PIGL: variants seen among roughly 807,000 people sequenced by gnomAD.
PIGL encodes phosphatidylinositol glycan anchor biosynthesis class L.
A neutral mutation model predicts 31.1 loss-of-function variants in PIGL; 22 were observed. That is an observed-to-expected ratio of 0.71 (90% CI 0.51 to 1.01). PIGL has a LOEUF of 1.01. PIGL is among the 50% of genes least tolerant of loss of function. The probability of loss-of-function intolerance (pLI) is 0.00; values close to 1 mark genes in which losing one functional copy is unlikely to be tolerated. For missense variants in PIGL, 302 were observed against 315.9 expected, an observed-to-expected ratio of 0.96 and a Z score of 0.33; for synonymous variants, 131 against 117.4, an observed-to-expected ratio of 1.12 and a Z score of -0.75.
intron 2 of PIGL, among the ~76,000 whole-genome samples, chr17:16,254,511 G>A (rs143917368): frequency 2.6e-5 from 4 of 151,956 alleles, no homozygotes; most frequent in Non-Finnish European, 5.9e-5. Context: ...CAGGTAATCC[G>A]CCCACCTCGG....
intron 6 of PIGL, 39 bp downstream of exon 6, chr17:16,317,947 C>T: frequency 1.4e-6 from 2 of 1,435,866 alleles, no homozygotes; most frequent in Non-Finnish European, 1.8e-6. Flanking sequence ...AACTCAGATC[C>T]CTGCCCCAGA....
At chr17:16,258,337 A>T (rs2092805768) in intron 2 of PIGL, among the ~76,000 whole-genome samples, 1 of 149,634 alleles carries the variant, frequency 6.7e-6, no homozygotes, top group Non-Finnish European at 1.5e-5. Flanking sequence ...CTGCCACCAC[A>T]CCTGGCTAAT....
chr17:16,276,895 G>A (rs1367246771), intron 2 of PIGL, among the ~76,000 whole-genome samples: 1 of 152,182 alleles, frequency 6.6e-6, no homozygotes, highest in Non-Finnish European at 1.5e-5. Context: ...TGTATAAAGT[G>A]CAGCAACAAT....
intron 2 of PIGL, among the ~76,000 whole-genome samples, chr17:16,287,744 AC>A (rs2092944097): frequency 6.6e-6 from 1 of 151,990 alleles, no homozygotes; most frequent in African/African-American, 2.4e-5. Context: ...CTTTGCTCTT[AC>A]TCTGAACATG....
intron 6 of PIGL, 26 bp downstream of exon 6, chr17:16,317,934 C>T: frequency 1.3e-6 from 2 of 1,566,188 alleles, no homozygotes; most frequent in Non-Finnish European, 8.6e-7. Flanking sequence ...TCCTGGACAC[C>T]CCAACTCAGA....
intron 2 of PIGL, among the ~76,000 whole-genome samples, chr17:16,254,673 C>T (rs2092786632): frequency 6.6e-6 from 1 of 152,038 alleles, no homozygotes; most frequent in Non-Finnish European, 1.5e-5. Context: ...GGCGCTATCT[C>T]GACTCACTGC....
At chr17:16,270,355 A>G (rs1380180044) in intron 2 of PIGL, among the ~76,000 whole-genome samples, 1 of 151,776 alleles carries the variant, frequency 6.6e-6, no homozygotes, top group Admixed American at 6.6e-5. Flanking sequence ...CCACTATAAC[A>G]TATTTAGTTC....
rs78175411 is a variant in PIGL, at chr17:16,251,516, C to T, written c.335+17446C>T. ...TATTTTCCCCTTGTTCTGAACTTCA[C>T]TGCAAAACATTTAGCCAGAGGAGCT... is the stretch of plus-strand genomic sequence containing the variant. On this transcript the variant is annotated intron_variant, in intron 2 of 6. Coordinates refer to ENST00000225609, the MANE Select transcript of PIGL (RefSeq NM_004278.4). Among the ~76,000 whole-genome samples, 956 of 151,848 alleles carry T rather than the reference C, an allele frequency of 6.3e-3. 18 individuals carry two copies. Among genetic ancestry groups the T allele is most frequent in the African/African-American group, 0.021 (888 of 41,418 alleles).
intron 2 of PIGL, among the ~76,000 whole-genome samples, chr17:16,241,691 T>C (rs1014558052): frequency 6.6e-6 from 1 of 151,990 alleles, no homozygotes; most frequent in Non-Finnish European, 1.5e-5. Flanking sequence ...ATTGGAAGCA[T>C]TGAGATGTAA....
intron 2 of PIGL, among the ~76,000 whole-genome samples, chr17:16,267,294 C>A (rs548754619): frequency 3.0e-4 from 45 of 152,026 alleles, no homozygotes; most frequent in African/African-American, 1.1e-3. Flanking sequence ...AGGTCTTCAT[C>A]CCTGTCTTCA....
chr17:16,252,432 A>G (rs906789394), intron 2 of PIGL, among the ~76,000 whole-genome samples: 9 of 152,064 alleles, frequency 5.9e-5, no homozygotes, highest in African/African-American at 2.2e-4. Flanking sequence ...GATAATTTCT[A>G]AAAGGATAGA....
chr17:16,223,251 T>C (rs2142639983), intron 1 of PIGL, among the ~76,000 whole-genome samples: 1 of 152,168 alleles, frequency 6.6e-6, no homozygotes, highest in South Asian at 2.1e-4. Context: ...ATATATATGG[T>C]AGAGAAGTAA....
At position 16,256,967 on chromosome 17, in the gene PIGL, C is replaced by T. The variant is rs144045732; in HGVS notation, c.335+22897C>T. Reference sequence around the variant, plus strand: ...CCTCCTAAAGTGCTAGGATTGCAGGCGTGAGCCACCATGCCAGCCAGTCTC... The same window carrying T: ...CCTCCTAAAGTGCTAGGATTGCAGGTGTGAGCCACCATGCCAGCCAGTCTC... On this transcript the variant is annotated intron_variant, in intron 2 of 6. Coordinates refer to ENST00000225609, the MANE Select transcript of PIGL (RefSeq NM_004278.4). Among the ~76,000 whole-genome samples the T allele has an allele frequency of 2.6e-3, 390 of 152,188 alleles. 1 individual carries two copies. The highest frequency in any genetic ancestry group is 4.6e-3 in the Non-Finnish European group (313 of 68,022).
chr17:16,233,104 A>G (rs1001852529), intron 1 of PIGL, among the ~76,000 whole-genome samples: 4 of 133,288 alleles, frequency 3.0e-5, no homozygotes, highest in African/African-American at 1.0e-4. Context: ...ACAGAGCAAG[A>G]CTCTTAAAAA....
At chr17:16,283,541 C>T (rs904274855) in intron 2 of PIGL, among the ~76,000 whole-genome samples, 2 of 152,066 alleles carry the variant, frequency 1.3e-5, no homozygotes, top group African/African-American at 4.8e-5. Context: ...GTTAATCTGG[C>T]CAGGTGCCGT....
chr17:16,317,847 C>T lies in PIGL; in HGVS notation c.599C>T (p.Ser200Phe). Residue 200 changes from serine to phenylalanine, a missense_variant, in exon 6 of 7, where the codon TCT (serine) becomes TTT (phenylalanine). Transcript: ENST00000225609. ...ATCTCCCTTCTGGATCTGCCCTTGTCTCTGCTTCATACGCAGGATGTCCTC... is the reference window on the plus strand; with the variant it reads ...ATCTCCCTTCTGGATCTGCCCTTGTTTCTGCTTCATACGCAGGATGTCCTC... ...KYISLLDLPL[S>F]LLHTQDVLFV... The T allele has an allele frequency of 6.2e-7, 1 of 1,614,148 alleles. No individual in the cohort carries two copies. Among genetic ancestry groups the T allele is most frequent in the Non-Finnish European group, 8.5e-7 (1 of 1,180,048 alleles).
intron 4 of PIGL, among the ~76,000 whole-genome samples, chr17:16,315,708 C>CTTTTTTTTTTTTTTTTTTTTT (rs1157169209): frequency 3.1e-4 from 18 of 58,990 alleles, no homozygotes; most frequent in East Asian, 4.9e-4. Context: ...TTCTTTCTTT[C>CTTTTTTTTTTTTTTTTTTTTT]TTTTTTTTTT....
chr17:16,246,726 C>A (rs1448843804), intron 2 of PIGL, among the ~76,000 whole-genome samples: 1 of 123,866 alleles, frequency 8.1e-6, no homozygotes, highest in African/African-American at 3.0e-5. Context: ...TCGCCCAGGC[C>A]GGACTGCGGA....
chr17:16,320,312 A>G (rs566883887), intron 6 of PIGL, among the ~76,000 whole-genome samples: 229 of 125,110 alleles, frequency 1.8e-3, no homozygotes, highest in Non-Finnish European at 3.3e-3. Context: ...AGGGAAGGGA[A>G]GGAAGGAAGG....
Sources: gnomAD v4.1 joint callset for allele counts (sites outside exome capture counted in the v4.1 genomes callset) on GRCh38, gnomAD v4.1.1 for gene constraint, MANE v1.5 for transcripts, NCBI Gene and HGNC (gene_info 2026-07-23, HGNC 2026-07-21) for gene names.